Variants in MTUS2 observed in about 807,000 individuals in gnomAD.
The protein encoded by MTUS2 is microtubule associated scaffold protein 2.
In MTUS2, 40 loss-of-function variants were observed where a neutral mutation model predicts 114.1. The observed-to-expected ratio is 0.35, with a 90% CI of 0.27 to 0.46. The LOEUF (loss-of-function observed/expected upper bound fraction) is 0.46, where lower values mean the gene tolerates loss of function less well. MTUS2 is among the 20% of genes least tolerant of loss of function. The probability of loss-of-function intolerance (pLI) is 1.00; values close to 1 mark genes in which losing one functional copy is unlikely to be tolerated. For synonymous variants in MTUS2, 688 were observed against 672.0 expected, an observed-to-expected ratio of 1.02 and a Z score of -0.37; for missense variants, 1,679 against 1,705.4, an observed-to-expected ratio of 0.98 and a Z score of 0.27.
At chr13:29,441,118 C>T (rs1232476020) in intron 9 of MTUS2, among the ~76,000 whole-genome samples, 3 of 152,166 alleles carry the variant, frequency 2.0e-5, no homozygotes, top group Non-Finnish European at 2.9e-5. Context: ...AGGCCCCTTC[C>T]CAGACTTGCT....
rs567640286 is a variant in MTUS2 at position 29,138,047 on chromosome 13, A to G, written c.2644+37077A>G. On this transcript the variant is annotated intron_variant, in intron 5 of 15. Coordinates refer to ENST00000612955, the MANE Select transcript of MTUS2 (RefSeq NM_001033602.4). Reference sequence around the variant, plus strand: ...CCTCTTTTTCTGTACCTCTGTGATAAGAAGAAGTAACAGGAGTGGAGCACA... The same window carrying G: ...CCTCTTTTTCTGTACCTCTGTGATAGGAAGAAGTAACAGGAGTGGAGCACA... Among the ~76,000 whole-genome samples the G allele has an allele frequency of 3.9e-5, 6 of 152,274 alleles. No individual in the cohort carries two copies. The South Asian group carries it at 1.2e-3, about 32-fold the overall frequency.
At chr13:29,440,598 G>C (rs1235973037) in intron 9 of MTUS2, among the ~76,000 whole-genome samples, 1 of 152,120 alleles carries the variant, frequency 6.6e-6, no homozygotes, top group Non-Finnish European at 1.5e-5. Flanking sequence ...TTTCACCGTA[G>C]GTCAAGGACA....
In MTUS2 at chr13:29,100,911, C is replaced by G; in HGVS notation, c.2585C>G (p.Ser862Ter). The G allele has an allele frequency of 6.3e-7, 1 of 1,575,228 alleles. No homozygotes were observed. The highest frequency in any genetic ancestry group is 8.6e-7 in the Non-Finnish European group (1 of 1,160,098). Residue 862 changes from serine to a stop codon, truncating the protein, a stop_gained, in exon 5 of 16, where the codon TCA becomes TGA. Coordinates refer to ENST00000612955, the MANE Select transcript of MTUS2 (RefSeq NM_001033602.4). LOFTEE classifies it high-confidence loss of function. ...TTTGTCCGGAGCTCCAGCGTCTCCT[C>G]AGTCTCCAGCACCCAGTCCGGGGAC... ...FGFVRSSSVS[S>*]VSSTQSGDSA... is the part of the protein sequence containing the mutation.
intron 15 of MTUS2, among the ~76,000 whole-genome samples, chr13:29,502,603 C>T (rs1286312350): frequency 1.3e-5 from 2 of 152,268 alleles, no homozygotes; most frequent in East Asian, 3.8e-4. Context: ...CGGCTCTTCA[C>T]TGCTATTGTG....
chr13:29,444,217 A>T (rs1489836662), intron 9 of MTUS2, among the ~76,000 whole-genome samples: 4 of 152,184 alleles, frequency 2.6e-5, no homozygotes, highest in African/African-American at 9.7e-5. Context: ...TGAGGTCAGG[A>T]GTTGGAGACC....
chr13:29,426,867 G>C (rs752673954), intron 8 of MTUS2, among the ~76,000 whole-genome samples: 1 of 152,146 alleles, frequency 6.6e-6, no homozygotes, highest in Non-Finnish European at 1.5e-5. Flanking sequence ...TTGCTTCCAC[G>C]TTTTGGCTAT....
intron 8 of MTUS2, among the ~76,000 whole-genome samples, chr13:29,431,188 A>T (rs1876965483): frequency 6.6e-6 from 1 of 152,218 alleles, no homozygotes; most frequent in South Asian, 2.1e-4. Context: ...GAATATGAGG[A>T]TGCTTATTTA....
At chr13:29,066,429 G>T (rs1217838093) in intron 4 of MTUS2, among the ~76,000 whole-genome samples, 3 of 152,178 alleles carry the variant, frequency 2.0e-5, no homozygotes, top group Non-Finnish European at 2.9e-5. Flanking sequence ...TAATTATCAA[G>T]AAGTGATTAG....
intron 10 of MTUS2, chr13:29,485,191 A>G (rs539119208): frequency 8.5e-5 from 13 of 152,786 alleles, no homozygotes; most frequent in African/African-American, 2.6e-4. Context: ...CAATGCATAG[A>G]AAGATCTTGT....
At position 29,502,161 on chromosome 13, in the gene MTUS2, C is replaced by T. The variant is rs193143918; in HGVS notation, c.3897-832C>T. ...TGGGGGCAGCAAGCTCTCTTTGCTC[C>T]GGAAGCTGCAAAGGTGCCCTTGTCA... On this transcript the variant is annotated intron_variant, in intron 15 of 15. Transcript: ENST00000612955. 7.2e-5 allele frequency among the ~76,000 whole-genome samples: 11 copies of T among 152,310 alleles called. No individual in the cohort carries two copies. In the East Asian group the frequency reaches 1.4e-3, roughly 19 times the overall value.
At chr13:29,357,937 C>T (rs749355954) in intron 7 of MTUS2, among the ~76,000 whole-genome samples, 10 of 152,170 alleles carry the variant, frequency 6.6e-5, no homozygotes, top group African/African-American at 1.4e-4. Context: ...GCCACTTGCA[C>T]GTTCACAAAC....
chr13:29,465,547 T>C (rs1054770721), intron 9 of MTUS2, among the ~76,000 whole-genome samples: 1 of 152,174 alleles, frequency 6.6e-6, no homozygotes, highest in Non-Finnish European at 1.5e-5. Context: ...CACACTAGTA[T>C]TTCCACCCCA....
At chr13:29,007,505 C>T (rs931855287) in intron 2 of MTUS2, among the ~76,000 whole-genome samples, 1 of 152,222 alleles carries the variant, frequency 6.6e-6, no homozygotes, top group African/African-American at 2.4e-5. Context: ...CTTCAGACTT[C>T]CAAAATTTGG....
At chr13:29,361,603 G>A (rs1372397126) in intron 8 of MTUS2, among the ~76,000 whole-genome samples, 2 of 152,122 alleles carry the variant, frequency 1.3e-5, no homozygotes, top group Non-Finnish European at 2.9e-5. Flanking sequence ...GACATGGGGT[G>A]GAGAACCTGG....
chr13:29,008,012 G>C (rs188228593), intron 2 of MTUS2, among the ~76,000 whole-genome samples: 1 of 152,114 alleles, frequency 6.6e-6, no homozygotes, highest in African/African-American at 2.4e-5. Flanking sequence ...CATGATGATC[G>C]GTTTCTTTTG....
intron 5 of MTUS2, among the ~76,000 whole-genome samples, chr13:29,248,860 C>T (rs1897021845): frequency 6.6e-6 from 1 of 152,150 alleles, no homozygotes; most frequent in South Asian, 2.1e-4. Context: ...ACCACATTTT[C>T]TTTATCCAGT....
chr13:29,417,956 C>A (rs1240886450), intron 8 of MTUS2, among the ~76,000 whole-genome samples: 1 of 152,120 alleles, frequency 6.6e-6, no homozygotes, highest in African/African-American at 2.4e-5. Flanking sequence ...GAACAAAGTC[C>A]AGACTTTTTA....
chr13:29,258,575 C>A (rs981899294), intron 5 of MTUS2, among the ~76,000 whole-genome samples: 1 of 152,204 alleles, frequency 6.6e-6, no homozygotes, highest in South Asian at 2.1e-4. Context: ...ACCTACAACA[C>A]GTGCCTTGAT....
chr13:28,881,016 G>T (rs1293567868), intron 2 of MTUS2, among the ~76,000 whole-genome samples: 5 of 152,094 alleles, frequency 3.3e-5, no homozygotes, highest in African/African-American at 4.8e-5. Flanking sequence ...TAGACTTGGG[G>T]GGTTTGTTAC....
Sources: allele counts gnomAD v4.1 joint callset (sites outside exome capture counted in the v4.1 genomes callset), GRCh38; gene constraint gnomAD v4.1.1; transcripts MANE v1.5; gene names NCBI Gene and HGNC (gene_info 2026-07-23, HGNC 2026-07-21).